The following BCAR3 variants were observed in gnomAD, a reference collection of about 807,000 sequenced individuals.
The protein encoded by BCAR3 is breast cancer anti-estrogen resistance protein 3.
A neutral mutation model predicts 80.1 loss-of-function variants in BCAR3; 37 were observed. The ratio of observed to expected loss-of-function variants is 0.46; its 90% CI spans 0.36 to 0.61. The LOEUF (loss-of-function observed/expected upper bound fraction) is 0.61. Ranked by LOEUF, BCAR3 falls within the 20% of genes least tolerant of loss-of-function variation. The probability of loss-of-function intolerance (pLI) is 0.00; values close to 1 mark genes in which losing one functional copy is unlikely to be tolerated. For synonymous variants in BCAR3, 389 were observed against 418.9 expected (o/e 0.93, Z 0.87); for missense variants, 978 against 1,068.2 (o/e 0.92, Z 1.18).
chr1:93,723,972 C>T (rs1050612339), intron 2 of BCAR3, among the ~76,000 whole-genome samples: 1 of 152,200 alleles, frequency 6.6e-6, no homozygotes, highest in African/African-American at 2.4e-5. Context: ...TGGCCACCTC[C>T]CTCTGGGGAC....
At chr1:93,755,822 C>T (rs979675266) in intron 2 of BCAR3, among the ~76,000 whole-genome samples, 1 of 152,178 alleles carries the variant, frequency 6.6e-6, no homozygotes, top group Non-Finnish European at 1.5e-5. Flanking sequence ...AACATTTAAT[C>T]ACTTAAAATT....
chr1:93,766,041 G>C (rs1336470716), intron 2 of BCAR3, among the ~76,000 whole-genome samples: 1 of 152,118 alleles, frequency 6.6e-6, no homozygotes, highest in Admixed American at 6.5e-5. Context: ...GAACTTATTT[G>C]TCTTGTGTAA....
chr1:93,591,945 G>T (rs1027879567), intron 4 of BCAR3, among the ~76,000 whole-genome samples: 1 of 152,176 alleles, frequency 6.6e-6, no homozygotes, highest in Non-Finnish European at 1.5e-5. Context: ...CAATTACCTG[G>T]GCCACAGCCC....
At chr1:93,826,739 A>G (rs1247402398) in intron 2 of BCAR3, among the ~76,000 whole-genome samples, 1 of 152,156 alleles carries the variant, frequency 6.6e-6, no homozygotes, top group African/African-American at 2.4e-5. Context: ...AGGAAAGTAC[A>G]CTGAAGTCGA....
At chr1:93,846,634 G>A (rs934573980) in intron 1 of BCAR3, among the ~76,000 whole-genome samples, 4 of 151,958 alleles carry the variant, frequency 2.6e-5, no homozygotes, top group Non-Finnish European at 5.9e-5. Context: ...AAACCCCGCG[G>A]CCGCGCTCGA....
intron 2 of BCAR3, among the ~76,000 whole-genome samples, chr1:93,726,466 T>C: frequency 6.6e-6 from 1 of 152,354 alleles, no homozygotes; most frequent in Admixed American, 6.5e-5. Flanking sequence ...GTGAGGGGAA[T>C]TGCATTGGCT....
At chr1:93,725,324 A>G (rs1650542565) in intron 2 of BCAR3, among the ~76,000 whole-genome samples, 1 of 152,246 alleles carries the variant, frequency 6.6e-6, no homozygotes, top group Admixed American at 6.5e-5. Context: ...ACTTCCAGAA[A>G]TAAGCATTAC....
chr1:93,639,239 A>G (rs770065997), intron 3 of BCAR3, among the ~76,000 whole-genome samples: 5 of 152,088 alleles, frequency 3.3e-5, no homozygotes, highest in Non-Finnish European at 7.4e-5. Flanking sequence ...GCACGGTGCT[A>G]GGAGGACACA....
chr1:93,655,573 T>G (rs1386539396), intron 2 of BCAR3, among the ~76,000 whole-genome samples: 1 of 152,196 alleles, frequency 6.6e-6, no homozygotes, highest in African/African-American at 2.4e-5. Context: ...TAACAATGAA[T>G]TAGCAAATAC....
intron 2 of BCAR3, among the ~76,000 whole-genome samples, chr1:93,743,126 T>C (rs760019511): frequency 2.6e-5 from 4 of 152,228 alleles, no homozygotes; most frequent in Non-Finnish European, 4.4e-5. Context: ...GAAAAAAATG[T>C]TGATACAGTG....
chr1:93,665,016 T>C (rs886585547), intron 2 of BCAR3, among the ~76,000 whole-genome samples: 1 of 150,596 alleles, frequency 6.6e-6, no homozygotes, highest in African/African-American at 2.4e-5. Flanking sequence ...AAAAATGCTA[T>C]GGTTTTGAGA....
At chr1:93,632,033 C>G (rs1305566851) in intron 3 of BCAR3, among the ~76,000 whole-genome samples, 1 of 152,226 alleles carries the variant, frequency 6.6e-6, no homozygotes, top group Admixed American at 6.5e-5. Flanking sequence ...GTTCATCCAT[C>G]TGGGCTAAAG....
At chr1:93,627,976 GA>G (rs1443403750) in intron 3 of BCAR3, among the ~76,000 whole-genome samples, 2 of 151,926 alleles carry the variant, frequency 1.3e-5, no homozygotes, top group East Asian at 1.9e-4. Context: ...AACACTATTA[GA>G]AAAAAATTAG....
rs1250727188 is a variant in BCAR3 at position 93,642,323 on chromosome 1, G to A, written c.338C>T (p.Pro113Leu). 6.2e-7 allele frequency: 1 copy of A among 1,613,736 alleles called. No homozygotes were observed. Among genetic ancestry groups the A allele is most frequent in the Admixed American group, 1.7e-5 (1 of 60,022 alleles). ...TCCTACCTTCACATATTCCACAGTT[G>A]GGTCCAGAAGATGTGGATCCCTGAA... ...FTFRDPHLLDPTVEYVKFSKE... is the reference protein window; with the variant it reads ...FTFRDPHLLDLTVEYVKFSKE... The change falls in exon 3 of 12, where the codon CCA (proline) becomes CTA (leucine). Residue 113 changes from proline to leucine, a missense_variant. Transcript: ENST00000260502.
chr1:93,819,018 G>C (rs1654113755), intron 2 of BCAR3, among the ~76,000 whole-genome samples: 1 of 151,890 alleles, frequency 6.6e-6, no homozygotes, highest in Non-Finnish European at 1.5e-5. Flanking sequence ...ATAATGTTGA[G>C]ATAGAAGCAA....
At chr1:93,675,925 CAAAAA>C (rs58706715) in intron 1 of BCAR3, among the ~76,000 whole-genome samples, 370 of 51,448 alleles carry the variant, frequency 7.2e-3, no homozygotes, top group African/African-American at 0.018. Context: ...AAATAGGAGA[CAAAAA>C]AAAAAAAAAA....
Position 93,811,813 on chromosome 1 carries a change from T to C in BCAR3, c.-63+33754A>G, listed in dbSNP as rs545331068. On this transcript the variant is annotated intron_variant, in intron 2 of 13. Coordinates refer to the BCAR3 transcript ENST00000370244. Reference sequence around the variant, plus strand: ...CATTCTGGAGTGTGCTAGAAACAGCTTGTACTGGCTCCCAAGAGCCAACTG... The same window carrying C: ...CATTCTGGAGTGTGCTAGAAACAGCCTGTACTGGCTCCCAAGAGCCAACTG... Among the ~76,000 whole-genome samples, 3 of 152,370 alleles carry C rather than the reference T, an allele frequency of 2.0e-5. No homozygotes were observed. In the South Asian group the frequency reaches 6.2e-4, roughly 32 times the overall value.
intron 3 of BCAR3, among the ~76,000 whole-genome samples, chr1:93,609,065 A>C (rs1414336349): frequency 6.6e-6 from 1 of 152,144 alleles, no homozygotes; most frequent in Non-Finnish European, 1.5e-5. Context: ...CACCACACAC[A>C]CGCACCGCCA....
At chr1:93,617,751 C>T (rs1675172450) in intron 3 of BCAR3, among the ~76,000 whole-genome samples, 1 of 152,178 alleles carries the variant, frequency 6.6e-6, no homozygotes, top group Admixed American at 6.5e-5. Flanking sequence ...CTCCATCTTT[C>T]CTGGTGCCCT....
Sources: gnomAD v4.1 joint callset for allele counts (sites outside exome capture counted in the v4.1 genomes callset) on GRCh38, gnomAD v4.1.1 for gene constraint, MANE v1.5 for transcripts, NCBI Gene and HGNC (gene_info 2026-07-23, HGNC 2026-07-21) for gene names.